Variants in HMG20A observed in about 807,000 individuals in gnomAD.
HMG20A encodes the protein high mobility group protein 20A.
A neutral mutation model predicts 43.9 loss-of-function variants in HMG20A; 17 were observed. The observed-to-expected ratio is 0.39, with a 90% CI of 0.27 to 0.58. HMG20A has a LOEUF of 0.58. Among genes scored for constraint, HMG20A ranks in the 20% least tolerant of loss-of-function variants. HMG20A has a pLI of 0.59. For synonymous variants in HMG20A, 132 were observed against 147.5 expected (o/e 0.89, Z 0.76); for missense variants, 341 against 438.2 (o/e 0.78, Z 1.98).
the HMG20A span, among the ~76,000 whole-genome samples, chr15:77,505,053 T>A: frequency 5.3e-5 from 8 of 152,220 alleles, no homozygotes; most frequent in African/African-American, 1.9e-4. Flanking sequence ...TGTGAACACC[T>A]GTTTGGACAC....
At chr15:77,433,294 A>T (rs1315980197) in intron 1 of HMG20A, among the ~76,000 whole-genome samples, 3 of 140,796 alleles carry the variant, frequency 2.1e-5, no homozygotes, top group East Asian at 4.7e-4. Flanking sequence ...GTGGGCTGTG[A>T]TTGTGCCACT....
chr15:77,504,584 A>G, the HMG20A span, among the ~76,000 whole-genome samples: 1 of 152,246 alleles, frequency 6.6e-6, no homozygotes, highest in Non-Finnish European at 1.5e-5. Context: ...GACATAATGT[A>G]CTGGGGAAAG....
chr15:77,487,991 G>C (rs576171073), downstream of HMG20A, among the ~76,000 whole-genome samples: 1 of 152,254 alleles, frequency 6.6e-6, no homozygotes, highest in Non-Finnish European at 1.5e-5. Flanking sequence ...GTGTCTACAG[G>C]GGGAAACTTT....
At chr15:77,457,102 T>C (rs910090912) in intron 1 of HMG20A, among the ~76,000 whole-genome samples, 2 of 152,192 alleles carry the variant, frequency 1.3e-5, no homozygotes, top group Non-Finnish European at 2.9e-5. Context: ...GAACTTGGCC[T>C]GCTAAATAAT....
At position 77,470,930 on chromosome 15, in the gene HMG20A, C is replaced by A. The variant is rs774026659; in HGVS notation, c.471C>A (p.Asp157Glu). 3 of 1,597,760 alleles carry A rather than the reference C, an allele frequency of 1.9e-6. No individual in the cohort carries two copies. Among genetic ancestry groups the A allele is most frequent in the Admixed American group, 3.5e-5 (2 of 56,512 alleles). ...CCTAGCGCTACCTTGATGAAGCAGA[C>A]AGAGATAAGGAGCGTTACATGAAGG... ...EEKQRYLDEA[D>E]RDKERYMKEL... The change falls in exon 5 of 10, where the codon GAC (aspartate) becomes GAA (glutamate). Residue 157 changes from aspartate (D) to glutamate (E), a missense_variant. Coordinates refer to ENST00000336216, the MANE Select transcript of HMG20A (RefSeq NM_001304504.2).
chr15:77,432,310 G>GA (rs1454921617), intron 1 of HMG20A, among the ~76,000 whole-genome samples: 2 of 151,864 alleles, frequency 1.3e-5, no homozygotes, highest in Non-Finnish European at 2.9e-5. Context: ...TATTAGAATA[G>GA]AAAAAAGTAA....
the HMG20A span, among the ~76,000 whole-genome samples, chr15:77,494,841 G>C: frequency 1.3e-5 from 2 of 152,152 alleles, no homozygotes; most frequent in Non-Finnish European, 2.9e-5. Flanking sequence ...CCTGAACACT[G>C]GTGACCCACA....
intron 1 of HMG20A, among the ~76,000 whole-genome samples, chr15:77,438,947 C>T (rs1026864834): frequency 7.2e-5 from 11 of 152,086 alleles, no homozygotes; most frequent in South Asian, 2.1e-4. Context: ...CCTGTCACCA[C>T]GCCCGGCTAA....
At chr15:77,519,928 C>T in the HMG20A span, among the ~76,000 whole-genome samples, 155 of 152,194 alleles carry the variant, frequency 1.0e-3, no homozygotes, top group African/African-American at 3.6e-3. Context: ...GGGCCAGGCA[C>T]GGTGGCTCAT....
At chr15:77,454,789 T>G (rs1271073455) in intron 1 of HMG20A, among the ~76,000 whole-genome samples, 1 of 152,118 alleles carries the variant, frequency 6.6e-6, no homozygotes, top group East Asian at 1.9e-4. Context: ...AATAGAGGTT[T>G]GTATGGTTCA....
chr15:77,434,438 A>T (rs1254692758), intron 1 of HMG20A, among the ~76,000 whole-genome samples: 1 of 152,090 alleles, frequency 6.6e-6, no homozygotes, highest in Non-Finnish European at 1.5e-5. Flanking sequence ...AAAAGACATT[A>T]TGAGAGTGAA....
At chr15:77,488,475 T>C (rs1234039355), downstream of HMG20A, among the ~76,000 whole-genome samples, 1 of 152,218 alleles carries the variant, frequency 6.6e-6, no homozygotes, top group Non-Finnish European at 1.5e-5. Context: ...GAAAAAGTTA[T>C]TTGAATCTTA....
chr15:77,456,957 G>A (rs1052069869), intron 1 of HMG20A, among the ~76,000 whole-genome samples: 6 of 152,138 alleles, frequency 3.9e-5, no homozygotes, highest in African/African-American at 9.7e-5. Flanking sequence ...CTGAAAAGAG[G>A]TTGCAAGCAT....
At chr15:77,465,422 G>A (rs1255359254) in intron 3 of HMG20A, among the ~76,000 whole-genome samples, 1 of 148,282 alleles carries the variant, frequency 6.7e-6, no homozygotes, top group African/African-American at 2.5e-5. Flanking sequence ...TTGAGGTGGA[G>A]TCTTATTCTG....
At chr15:77,499,072 G>C in the HMG20A span, among the ~76,000 whole-genome samples, 1 of 152,152 alleles carries the variant, frequency 6.6e-6, no homozygotes, top group Non-Finnish European at 1.5e-5. Context: ...ACCCCTTCTA[G>C]CTCTCAATCT....
Position 77,450,662 on chromosome 15 carries a change from G to A in HMG20A, c.-4-7742G>A, listed in dbSNP as rs984217791. 3.3e-5 allele frequency among the ~76,000 whole-genome samples: 5 copies of A among 152,270 alleles called. No homozygotes were observed. In the South Asian group the frequency reaches 6.2e-4, roughly 19 times the overall value. ...AATACAATGAAAAAATAATGTGTTC[G>A]GGGTAAGCAGTACAGTAGCATCACC... On this transcript the variant is annotated intron_variant, in intron 1 of 9. Transcript: ENST00000336216.
At chr15:77,432,722 CAAAAAAAA>C (rs34459644) in intron 1 of HMG20A, among the ~76,000 whole-genome samples, 9 of 77,744 alleles carry the variant, frequency 1.2e-4, no homozygotes, top group African/African-American at 5.5e-4. Context: ...AACTCCGACT[CAAAAAAAA>C]AAAAAAAAAA....
rs185650217 is a variant in HMG20A at position 77,474,497 on chromosome 15, A to T, written c.615+2683A>T. On this transcript the variant is annotated intron_variant, in intron 6 of 9. Transcript: ENST00000336216. ...CAGGCCTTCTGTGTCATAGTCTAAC[A>T]TTCTTGACAGCACAGTGCCATGCTA... is the stretch of plus-strand genomic sequence containing the variant. Among the ~76,000 whole-genome samples, 696 of 152,370 alleles carry T rather than the reference A, an allele frequency of 4.6e-3. 19 individuals are homozygous for T. The highest frequency in any genetic ancestry group is 0.038 in the Admixed American group (587 of 15,300).
intron 9 of HMG20A, 99 bp downstream of exon 9, chr15:77,479,420 G>T (rs2072887258): frequency 8.8e-7 from 1 of 1,137,310 alleles, no homozygotes; most frequent in Admixed American, 2.3e-5. Flanking sequence ...GATTACATTG[G>T]ATGAACAAGT....
Sources: allele counts gnomAD v4.1 joint callset (sites outside exome capture counted in the v4.1 genomes callset), GRCh38; gene constraint gnomAD v4.1.1; transcripts MANE v1.5; gene names NCBI Gene and HGNC (gene_info 2026-07-23, HGNC 2026-07-21).